The following GRIN2B variants were observed in gnomAD, a reference collection of about 807,000 sequenced individuals.
GRIN2B encodes the protein glutamate ionotropic receptor NMDA type subunit 2B.
In GRIN2B, 5 loss-of-function variants were observed where a neutral mutation model predicts 114.5. The observed-to-expected ratio is 0.04, with a 90% CI of 0.02 to 0.09. The LOEUF (loss-of-function observed/expected upper bound fraction) is 0.09, where lower values mean the gene tolerates loss of function less well. Among genes scored for constraint, GRIN2B ranks in the 10% least tolerant of loss-of-function variants. The pLI, the probability that GRIN2B is intolerant of heterozygous loss-of-function variation, is 1.00. For missense variants in GRIN2B, 1,108 were observed against 1,943.5 expected, an observed-to-expected ratio of 0.57 and a Z score of 8.08; for synonymous variants, 787 against 745.1, an observed-to-expected ratio of 1.06 and a Z score of -0.92.
At chr12:13,816,828 G>C (rs972262404) in intron 3 of GRIN2B, among the ~76,000 whole-genome samples, 1 of 152,046 alleles carries the variant, frequency 6.6e-6, no homozygotes, top group Non-Finnish European at 1.5e-5. Flanking sequence ...CTTTTATTGG[G>C]GAACGGGCTG....
chr12:13,610,667 A>C (rs964444741), intron 9 of GRIN2B, among the ~76,000 whole-genome samples: 1 of 152,226 alleles, frequency 6.6e-6, no homozygotes, highest in Non-Finnish European at 1.5e-5. Context: ...AATCCAACAG[A>C]AGCATGAGGA....
intron 2 of GRIN2B, among the ~76,000 whole-genome samples, chr12:13,932,636 G>A (rs2136825396): frequency 6.6e-6 from 1 of 152,318 alleles, no homozygotes; most frequent in Non-Finnish European, 1.5e-5. Flanking sequence ...AGAACACAGA[G>A]AGGCCTTTCT....
intron 3 of GRIN2B, among the ~76,000 whole-genome samples, chr12:13,794,507 TC>T (rs759514929): frequency 6.7e-6 from 1 of 150,244 alleles, no homozygotes; most frequent in African/African-American, 2.5e-5. Flanking sequence ...CCCACTAACC[TC>T]CCCCCCGGAC....
chr12:13,640,316 T>C (rs901174422), intron 5 of GRIN2B, among the ~76,000 whole-genome samples: 1 of 152,070 alleles, frequency 6.6e-6, no homozygotes, highest in African/African-American at 2.4e-5. Context: ...GAATATTAAA[T>C]GAGATAGCCT....
At chr12:13,641,156 C>T (rs1949711519) in intron 5 of GRIN2B, among the ~76,000 whole-genome samples, 1 of 152,038 alleles carries the variant, frequency 6.6e-6, no homozygotes, top group South Asian at 2.1e-4. Flanking sequence ...ACTGCAACCT[C>T]CATCTCCTGG....
intron 5 of GRIN2B, among the ~76,000 whole-genome samples, chr12:13,658,774 G>A (rs562070034): frequency 6.6e-6 from 1 of 152,034 alleles, no homozygotes; most frequent in South Asian, 2.1e-4. Context: ...TTTTGATGGG[G>A]TGGGGTCTTG....
At chr12:13,915,822 T>C (rs1866708148) in intron 2 of GRIN2B, among the ~76,000 whole-genome samples, 1 of 152,036 alleles carries the variant, frequency 6.6e-6, no homozygotes, top group African/African-American at 2.4e-5. Flanking sequence ...GCATCTTTAC[T>C]TGGATTTTGC....
At chr12:13,703,274 T>C (rs558957043) in intron 4 of GRIN2B, among the ~76,000 whole-genome samples, 1 of 152,282 alleles carries the variant, frequency 6.6e-6, no homozygotes, top group South Asian at 2.1e-4. Context: ...CCTCCCTTAT[T>C]TGGGCATAAT....
chr12:13,720,613 T>G (rs1003993222), intron 4 of GRIN2B, among the ~76,000 whole-genome samples: 12 of 152,046 alleles, frequency 7.9e-5, no homozygotes, highest in African/African-American at 2.7e-4. Flanking sequence ...CTCAATCTTA[T>G]GGCAATCCTA....
intron 13 of GRIN2B, among the ~76,000 whole-genome samples, chr12:13,566,492 G>A (rs1948642928): frequency 6.6e-6 from 1 of 152,190 alleles, no homozygotes; most frequent in Non-Finnish European, 1.5e-5. Flanking sequence ...TCCAACTAGG[G>A]AAGTTTCTGG....
intron 4 of GRIN2B, among the ~76,000 whole-genome samples, chr12:13,678,970 A>C (rs1950103174): frequency 6.6e-6 from 1 of 151,288 alleles, no homozygotes; most frequent in Non-Finnish European, 1.5e-5. Context: ...AGGAGGAAGG[A>C]AAGAAGGAAA....
At chr12:13,790,976 T>C (rs1313004599) in intron 3 of GRIN2B, among the ~76,000 whole-genome samples, 1 of 152,066 alleles carries the variant, frequency 6.6e-6, no homozygotes, top group East Asian at 1.9e-4. Context: ...GACACAGAAC[T>C]AGGGTCCAGA....
At chr12:13,606,223 AAAG>A (rs1455017510) in intron 10 of GRIN2B, among the ~76,000 whole-genome samples, 1 of 84,276 alleles carries the variant, frequency 1.2e-5, no homozygotes, top group African/African-American at 3.5e-5. Context: ...TTATAAAGAA[AAAG>A]AAAGATTCAG....
intron 3 of GRIN2B, among the ~76,000 whole-genome samples, chr12:13,859,706 A>T (rs1425495948): frequency 6.6e-6 from 1 of 152,180 alleles, no homozygotes; most frequent in Non-Finnish European, 1.5e-5. Flanking sequence ...TAGATGTGTG[A>T]CTTTGGCCAA....
At chr12:13,781,690 A>G (rs373587583) in intron 3 of GRIN2B, among the ~76,000 whole-genome samples, 65 of 152,340 alleles carry the variant, frequency 4.3e-4, no homozygotes, top group Middle Eastern at 3.4e-3. Flanking sequence ...AGAGTAGAAT[A>G]TGACCCTAAA....
chr12:13,931,109 G>C (rs898435107), intron 2 of GRIN2B, among the ~76,000 whole-genome samples: 1 of 152,188 alleles, frequency 6.6e-6, no homozygotes, highest in Non-Finnish European at 1.5e-5. Context: ...AGGTCGTATA[G>C]AGGTGGTTTG....
chr12:13,689,147 T>C (rs1427621936), intron 4 of GRIN2B, among the ~76,000 whole-genome samples: 2 of 152,192 alleles, frequency 1.3e-5, no homozygotes, highest in Non-Finnish European at 2.9e-5. Context: ...CTAAGTGGAT[T>C]AGTCCAATTC....
chr12:13,960,336 C>A (rs957053822), intron 2 of GRIN2B, among the ~76,000 whole-genome samples: 1 of 152,106 alleles, frequency 6.6e-6, no homozygotes, highest in Admixed American at 6.5e-5. Flanking sequence ...CTATTATTCT[C>A]CATTATTCCC....
intron 5 of GRIN2B, among the ~76,000 whole-genome samples, chr12:13,650,537 G>A (rs141078756): frequency 2.0e-5 from 3 of 152,128 alleles, no homozygotes; most frequent in Non-Finnish European, 4.4e-5. Flanking sequence ...GATTCAGGAC[G>A]ACCAGCCACC....
Sources: allele counts gnomAD v4.1 joint callset (sites outside exome capture counted in the v4.1 genomes callset), GRCh38; gene constraint gnomAD v4.1.1; transcripts MANE v1.5; gene names NCBI Gene and HGNC (gene_info 2026-07-23, HGNC 2026-07-21).